BABAM2: variants seen among roughly 807,000 people sequenced by gnomAD.
BABAM2 encodes BRISC and BRCA1-A complex member 2.
Under a neutral mutation model 54.7 loss-of-function variants are expected in BABAM2, and 31 were observed. The ratio of observed to expected loss-of-function variants is 0.57; its 90% CI spans 0.43 to 0.77. BABAM2 has a LOEUF of 0.77. Ranked by LOEUF, BABAM2 falls within the 30% of genes least tolerant of loss-of-function variation. The pLI is 0.00. For synonymous variants in BABAM2, 167 were observed against 162.9 expected, an observed-to-expected ratio of 1.03 and a Z score of -0.19; for missense variants, 364 against 455.8, an observed-to-expected ratio of 0.80 and a Z score of 1.83.
chr2:28,045,871 A>G, intron 6 of BABAM2, 72 bp downstream of exon 6: 1 of 1,192,226 alleles, frequency 8.4e-7, no homozygotes, highest in Middle Eastern at 2.4e-4. Context: ...CAATATTTGT[A>G]TGACTGGTTT....
At chr2:28,113,308 A>C (rs1245059019) in intron 6 of BABAM2, among the ~76,000 whole-genome samples, 1 of 151,740 alleles carries the variant, frequency 6.6e-6, no homozygotes, top group African/African-American at 2.4e-5. Flanking sequence ...TAAATCTTTA[A>C]TCCATCTTGA....
chr2:28,282,316 A>G (rs1452748414), intron 10 of BABAM2, among the ~76,000 whole-genome samples: 5 of 152,208 alleles, frequency 3.3e-5, no homozygotes, highest in African/African-American at 9.7e-5. Context: ...GACAGACATC[A>G]TACTCCTCCT....
At chr2:27,981,479 A>G (rs1671997525) in intron 3 of BABAM2, among the ~76,000 whole-genome samples, 1 of 152,194 alleles carries the variant, frequency 6.6e-6, no homozygotes, top group South Asian at 2.1e-4. Context: ...TCACAAAAAG[A>G]AAGCTTGTAC....
chr2:28,338,450 G>A lies in BABAM2; in HGVS notation c.1089G>A (p.Lys363=). The stretch of plus-strand genomic sequence containing the variant: ...TTTTTCTCCCCTTCTTTCCCACCAG[G>A]GCTTATTTCAAAACCTTTGTCCCTC... ...WDGNEMAKRA[K]AYFKTFVPQF... is the part of the protein sequence containing the mutation. The change falls in exon 12 of 12, where the codon AAG becomes AAA. Residue 363 remains lysine, a splice_region_variant and synonymous_variant. Transcript: ENST00000379624. 6.2e-7 allele frequency: 1 copy of A among 1,613,972 alleles called. No homozygotes were observed. Among genetic ancestry groups the A allele is most frequent in the Non-Finnish European group, 8.5e-7 (1 of 1,179,898 alleles).
chr2:28,233,264 C>A (rs936854243), intron 7 of BABAM2: 3 of 471,190 alleles, frequency 6.4e-6, no homozygotes, highest in African/African-American at 6.0e-5. Flanking sequence ...TCTTCCCCAG[C>A]CACTTAGTGG....
At chr2:28,060,719 G>T (rs1405885864) in intron 6 of BABAM2, among the ~76,000 whole-genome samples, 1 of 152,062 alleles carries the variant, frequency 6.6e-6, no homozygotes, top group Non-Finnish European at 1.5e-5. Flanking sequence ...ATATTTTAAA[G>T]ATAACATTTA....
intron 10 of BABAM2, among the ~76,000 whole-genome samples, chr2:28,297,015 T>C (rs1687752560): frequency 6.6e-6 from 1 of 152,176 alleles, no homozygotes; most frequent in South Asian, 2.1e-4. Flanking sequence ...TTTTTAAATA[T>C]ATCTTCCTCA....
intron 3 of BABAM2, among the ~76,000 whole-genome samples, chr2:27,954,599 T>G (rs2148414663): frequency 6.6e-6 from 1 of 152,324 alleles, no homozygotes; most frequent in South Asian, 2.1e-4. Flanking sequence ...CAGCAGTGAG[T>G]ACAGAAGGCA....
Position 27,998,286 on chromosome 2 carries a change from G to A in BABAM2, c.300+10199G>A, listed in dbSNP as rs1035182106. Among the ~76,000 whole-genome samples the A allele has an allele frequency of 2.0e-5, 3 of 151,888 alleles. No homozygotes were observed. In the East Asian group the frequency reaches 5.8e-4, roughly 29 times the overall value. ...TTCTCTCCATCACTCCCTTCAAAGA[G>A]CTGGATTTAAACAAAAAATATTAAT... is the stretch of plus-strand genomic sequence containing the variant. On this transcript the variant is annotated intron_variant, in intron 4 of 11. Coordinates refer to ENST00000379624, the MANE Select transcript of BABAM2 (RefSeq NM_199191.3).
At chr2:28,192,287 G>A (rs1406730955) in intron 7 of BABAM2, among the ~76,000 whole-genome samples, 1 of 152,078 alleles carries the variant, frequency 6.6e-6, no homozygotes, top group African/African-American at 2.4e-5. Context: ...GCCTGCCTCG[G>A]CCTCCCAAAG....
chr2:28,112,147 T>TTCTTTCCTTCCTTCCC lies in BABAM2; in HGVS notation c.571-17123_571-17122insCTTTCCTTCCTTCCCT, dbSNP rs1558346715. On this transcript the variant is annotated intron_variant, in intron 6 of 11. Transcript: ENST00000379624. Reference sequence around the variant, plus strand: ...TTTCTTTCTTTCTTTCTTTCTTTCTTTACCTCCCTCCCTCCCTCCCTCCCT... The same window carrying TTCTTTCCTTCCTTCCC: ...TTTCTTTCTTTCTTTCTTTCTTTCTTTCTTTCCTTCCTTCCCTACCTCCCTCCCTCCCTCCCTCCCT... 1.5e-3 allele frequency among the ~76,000 whole-genome samples: 8 copies of TTCTTTCCTTCCTTCCC among 5,238 alleles called. 2 individuals carry two copies. Among genetic ancestry groups the TTCTTTCCTTCCTTCCC allele is most frequent in the Non-Finnish European group, 2.2e-3 (7 of 3,156 alleles). The allele number at this position is 5,238 out of a possible 152,430, so 3.4% of individuals were successfully genotyped here.
chr2:28,283,089 G>T (rs1339956162), intron 10 of BABAM2, among the ~76,000 whole-genome samples: 1 of 151,016 alleles, frequency 6.6e-6, no homozygotes, highest in African/African-American at 2.4e-5. Flanking sequence ...AAGCACAGAT[G>T]AATCAGTAAC....
intron 3 of BABAM2, among the ~76,000 whole-genome samples, chr2:27,952,162 A>G (rs1436517863): frequency 2.0e-5 from 3 of 152,204 alleles, no homozygotes; most frequent in Non-Finnish European, 4.4e-5. Context: ...TACACGGTAC[A>G]TCTTTTCCAT....
chr2:28,014,668 G>GT (rs35336635), intron 4 of BABAM2, among the ~76,000 whole-genome samples: 34,883 of 137,996 alleles, frequency 0.25, 5,045 homozygotes, highest in East Asian at 0.62. Flanking sequence ...TATGAAGCTG[G>GT]TTTTTTTTTT....
chr2:27,929,602 C>T (rs773608302), intron 2 of BABAM2, among the ~76,000 whole-genome samples: 2 of 152,096 alleles, frequency 1.3e-5, no homozygotes, highest in African/African-American at 2.4e-5. Context: ...TGATGTTTGT[C>T]GTTAGAACAC....
intron 6 of BABAM2, among the ~76,000 whole-genome samples, chr2:28,127,058 G>A (rs888685743): frequency 6.6e-5 from 10 of 151,996 alleles, no homozygotes; most frequent in Non-Finnish European, 1.5e-4. Context: ...CAGATGAGTA[G>A]GTTGCGAAAA....
intron 7 of BABAM2, among the ~76,000 whole-genome samples, chr2:28,150,259 G>A (rs1274465670): frequency 1.3e-5 from 2 of 152,188 alleles, no homozygotes; most frequent in Admixed American, 6.5e-5. Flanking sequence ...GAAAAGTAGA[G>A]GGAATATTAC....
At chr2:28,303,061 C>A (rs111596610) in intron 11 of BABAM2, among the ~76,000 whole-genome samples, 1 of 151,954 alleles carries the variant, frequency 6.6e-6, no homozygotes, top group Non-Finnish European at 1.5e-5. Flanking sequence ...CGCTATGTTG[C>A]CCAGGCTGGT....
At position 28,108,833 on chromosome 2, in the gene BABAM2, G is replaced by A. The variant is rs145468714; in HGVS notation, c.571-20438G>A. Among the ~76,000 whole-genome samples, 60 of 151,482 alleles carry A rather than the reference G, an allele frequency of 4.0e-4. 1 individual carries two copies. In the East Asian group the frequency reaches 8.1e-3, roughly 21 times the overall value. ...AATTTGGATATAGCAGAATGATGTCGTGAAAAAAAAACATTGATGCAGGAA... is the reference window on the plus strand; with the variant it reads ...AATTTGGATATAGCAGAATGATGTCATGAAAAAAAAACATTGATGCAGGAA... On this transcript the variant is annotated intron_variant, in intron 6 of 11. Transcript: ENST00000379624.
Sources: gnomAD v4.1 joint callset for allele counts (sites outside exome capture counted in the v4.1 genomes callset) on GRCh38, gnomAD v4.1.1 for gene constraint, MANE v1.5 for transcripts, NCBI Gene and HGNC (gene_info 2026-07-23, HGNC 2026-07-21) for gene names.